Variants in CREB1 observed in about 807,000 individuals in gnomAD.
CREB1 encodes cAMP responsive element binding protein 1.
In CREB1, 2 loss-of-function variants were observed where a neutral mutation model predicts 42.0. The ratio of observed to expected loss-of-function variants is 0.05; its 90% confidence interval spans 0.02 to 0.15. The LOEUF (loss-of-function observed/expected upper bound fraction) is 0.15. Among genes scored for constraint, CREB1 ranks in the 10% least tolerant of loss-of-function variants. The pLI is 1.00. For missense variants in CREB1, 199 were observed against 388.9 expected (o/e 0.51, Z 4.11); for synonymous variants, 123 against 139.9 (o/e 0.88, Z 0.85).
intron 7 of CREB1, among the ~76,000 whole-genome samples, chr2:207,590,952 T>C (rs2084923796): frequency 6.6e-6 from 1 of 152,234 alleles, no homozygotes; most frequent in African/African-American, 2.4e-5. Context: ...AAAATTTTTT[T>C]ATTTCCTTTG....
chr2:207,569,249 TA>T (rs1386595924), intron 4 of CREB1, among the ~76,000 whole-genome samples: 2 of 152,198 alleles, frequency 1.3e-5, no homozygotes, highest in Non-Finnish European at 2.9e-5. Flanking sequence ...GGAATAATCT[TA>T]AGCGAGTTTA....
chr2:207,586,971 CAAG>C, intron 7 of CREB1, among the ~76,000 whole-genome samples: 1 of 152,208 alleles, frequency 6.6e-6, no homozygotes, highest in South Asian at 2.1e-4. Flanking sequence ...ATCAAAAAGA[CAAG>C]AAGTAAACAC....
At chr2:207,566,327 G>A (rs141425017) in intron 3 of CREB1, among the ~76,000 whole-genome samples, 35 of 152,246 alleles carry the variant, frequency 2.3e-4, no homozygotes, top group South Asian at 6.2e-4. Flanking sequence ...ACGTTTTGAC[G>A]TGGAGCTGAC....
Position 207,605,875 on chromosome 2 carries a change from GATT to G in CREB1, c.*8822_*8824del, listed in dbSNP as rs1441222739. Among the ~76,000 whole-genome samples, 2 of 152,200 alleles carry G rather than the reference GATT, an allele frequency of 1.3e-5. No individual in the cohort carries two copies. Among genetic ancestry groups the G allele is most frequent in the Non-Finnish European group, 2.9e-5 (2 of 68,038 alleles). On this transcript the variant is annotated 3_prime_UTR_variant, in exon 8 of 8. Transcript: ENST00000353267. ...TCATATTTGGATATTGTTTCCTAAT[GATT>G]ATTAGGTATCTGCTAAGCAATTTTT...
intron 7 of CREB1, among the ~76,000 whole-genome samples, chr2:207,593,405 C>T (rs34775277): frequency 0.13 from 19,338 of 152,170 alleles, 1,643 homozygotes; most frequent in Middle Eastern, 0.2. Flanking sequence ...TGGTGCATGC[C>T]TATGGTCCCA....
At chr2:207,571,689 G>A in intron 5 of CREB1, 1 of 452,642 alleles carries the variant, frequency 2.2e-6, no homozygotes, top group Non-Finnish European at 4.4e-6. Flanking sequence ...CAAGATATGT[G>A]TTCGAAGACA....
intron 7 of CREB1, among the ~76,000 whole-genome samples, chr2:207,588,797 T>C (rs1315139049): frequency 1.3e-5 from 2 of 150,834 alleles, no homozygotes; most frequent in African/African-American, 2.4e-5. Flanking sequence ...CAATTGTTCA[T>C]TGCTGGTATA....
chr2:207,532,342 AAG>A (rs1233366593), intron 1 of CREB1, among the ~76,000 whole-genome samples: 2 of 151,552 alleles, frequency 1.3e-5, no homozygotes, highest in Non-Finnish European at 2.9e-5. Context: ...AAAAAAAAGA[AAG>A]AATATATGAC....
intron 1 of CREB1, among the ~76,000 whole-genome samples, chr2:207,552,751 A>G (rs2081562128): frequency 6.6e-6 from 1 of 151,424 alleles, no homozygotes; most frequent in African/African-American, 2.4e-5. Flanking sequence ...AGTAGCTGGG[A>G]TTACAGGCAC....
chr2:207,541,525 A>G (rs924893366), intron 1 of CREB1, among the ~76,000 whole-genome samples: 2 of 152,168 alleles, frequency 1.3e-5, no homozygotes, highest in African/African-American at 4.8e-5. Context: ...AGCCTATACT[A>G]TGTAGCCTTG....
At position 207,599,843 on chromosome 2, in the gene CREB1, A is replaced by G. The variant is rs568757174; in HGVS notation, c.*2785A>G. ...CAGTAATAAATGTTTTTCTCTTTAT[A>G]TTGGCCAAAAGGGAATAAAAATGTC... On this transcript the variant is annotated 3_prime_UTR_variant, in exon 8 of 8. Coordinates refer to ENST00000353267, the MANE Select transcript of CREB1 (RefSeq NM_004379.5). 3 of 193,964 alleles carry G rather than the reference A, an allele frequency of 1.5e-5. No homozygotes were observed. In the East Asian group the frequency reaches 2.4e-4, roughly 16 times the overall value. 12.0% of individuals were successfully genotyped at this position (193,964 alleles called of 1,614,324 possible).
At chr2:207,576,936 T>C (rs1436806068) in intron 6 of CREB1, 22 of 876,798 alleles carry the variant, frequency 2.5e-5, no homozygotes, top group Non-Finnish European at 3.0e-5. Context: ...CCATTATCAT[T>C]TACATTAAAA....
Position 207,539,878 on chromosome 2 carries a change from A to G in CREB1, c.-9+9744A>G, listed in dbSNP as rs565186110. On this transcript the variant is annotated intron_variant, in intron 1 of 7. Transcript: ENST00000353267. ...AACATGGACATATAATGAACTTGACATACTCATAAATTGGTGAAGAAAGTA... is the reference window on the plus strand; with the variant it reads ...AACATGGACATATAATGAACTTGACGTACTCATAAATTGGTGAAGAAAGTA... Among the ~76,000 whole-genome samples the G allele has an allele frequency of 1.4e-4, 21 of 152,378 alleles. No homozygotes were observed. In the South Asian group the frequency reaches 4.3e-3, roughly 32 times the overall value.
In CREB1 at chr2:207,600,101, A is replaced by G. The variant is rs1310575880; in HGVS notation, c.*3043A>G. The G allele has an allele frequency of 1.1e-5, 2 of 186,660 alleles. No individual in the cohort carries two copies. The highest frequency in any genetic ancestry group is 4.7e-5 in the African/African-American group (2 of 42,744). The allele number at this position is 186,660 out of a possible 1,614,324, so 11.6% of individuals were successfully genotyped here. A position where few individuals can be genotyped will look rare whatever the true frequency, so the allele number is the denominator to read the frequency against. ...CTAGATCCAATGTGTTCATTATTAA[A>G]TAATTGCTATCAGATACAATTTTAA... On this transcript the variant is annotated 3_prime_UTR_variant, in exon 8 of 8. Transcript: ENST00000353267.
chr2:207,595,236 C>T (rs2085908794), intron 7 of CREB1, among the ~76,000 whole-genome samples: 1 of 151,770 alleles, frequency 6.6e-6, no homozygotes, highest in Non-Finnish European at 1.5e-5. Flanking sequence ...CCTCATGATC[C>T]ACCCGCCTCT....
In CREB1 at chr2:207,598,033, C is replaced by T. The variant is rs2086454763; in HGVS notation, c.*975C>T. The T allele has an allele frequency of 1.1e-5, 2 of 181,556 alleles. No homozygotes were observed. Among genetic ancestry groups the T allele is most frequent in the East Asian group, 9.0e-5 (1 of 11,100 alleles). The allele number at this position is 181,556 out of a possible 1,614,324, so 11.2% of individuals were successfully genotyped here. ...GCCCATTGCACTTACATACCACCAC[C>T]AAGAAAGCCTTCAAGATGTCAAATA... On this transcript the variant is annotated 3_prime_UTR_variant, in exon 8 of 8. Transcript: ENST00000353267.
In CREB1 at chr2:207,567,517, G is replaced by C. The variant is rs1255931057; in HGVS notation, c.316G>C (p.Asp106His). 1.2e-6 allele frequency: 2 copies of C among 1,612,566 alleles called. No individual in the cohort carries two copies. Among genetic ancestry groups the C allele is most frequent in the African/African-American group, 1.3e-5 (1 of 74,886 alleles). Residue 106 changes from aspartate (D) to histidine (H), a missense_variant, in exon 4 of 8, where the codon GAT (aspartate) becomes CAT (histidine). Transcript: ENST00000353267. ...ACAGGAGTCAGTGGATAGTGTAACTGATTCCCAAAAGCGAAGGGAAATTCT... is the reference window on the plus strand; with the variant it reads ...ACAGGAGTCAGTGGATAGTGTAACTCATTCCCAAAAGCGAAGGGAAATTCT... The part of the protein sequence containing the change: ...DSQESVDSVT[D>H]SQKRREILSR...
chr2:207,578,648 T>A (rs2551924), intron 7 of CREB1, among the ~76,000 whole-genome samples: 23,679 of 152,196 alleles, frequency 0.16, 2,034 homozygotes, highest in Middle Eastern at 0.2. Context: ...TGTGTGTGTG[T>A]GTGCAATTTC....
At chr2:207,549,028 G>C (rs1189590800) in intron 1 of CREB1, among the ~76,000 whole-genome samples, 1 of 152,180 alleles carries the variant, frequency 6.6e-6, no homozygotes, top group Admixed American at 6.5e-5. Flanking sequence ...AAAGCAGAAA[G>C]ACCTTGGTAG....
Sources: allele counts gnomAD v4.1 joint callset (sites outside exome capture counted in the v4.1 genomes callset), GRCh38; gene constraint gnomAD v4.1.1; transcripts MANE v1.5; gene names NCBI Gene and HGNC (gene_info 2026-07-23, HGNC 2026-07-21).